BFSP1: variants seen among roughly 807,000 people sequenced by gnomAD.
The protein encoded by BFSP1 is beaded filament structural protein 1.
A neutral mutation model predicts 43.9 loss-of-function variants in BFSP1; 38 were observed. The ratio of observed to expected loss-of-function variants is 0.87; its 90% CI spans 0.67 to 1.14. BFSP1 has a LOEUF of 1.14. BFSP1 is among the 50% of genes most tolerant of loss of function. The pLI is 0.00. For missense variants in BFSP1, 850 were observed against 875.1 expected, an observed-to-expected ratio of 0.97 and a Z score of 0.36; for synonymous variants, 352 against 354.8, an observed-to-expected ratio of 0.99 and a Z score of 0.09.
chr20:17,545,693 A>G (rs1476692233), intron 1 of BFSP1, among the ~76,000 whole-genome samples: 1 of 152,264 alleles, frequency 6.6e-6, no homozygotes, highest in African/African-American at 2.4e-5. Context: ...AACTCCTACA[A>G]CAACAGAAAA....
At chr20:17,560,311 T>C (rs1160994201), upstream of BFSP1, 1 of 152,240 alleles carries the variant, frequency 6.6e-6, no homozygotes, top group Non-Finnish European at 1.5e-5. Context: ...TCCATATTCA[T>C]ATTTGCCAAC....
chr20:17,499,403 C>CTTTTTTTT (rs34583097), intron 5 of BFSP1, among the ~76,000 whole-genome samples: 3 of 82,076 alleles, frequency 3.7e-5, no homozygotes, highest in Admixed American at 1.5e-4. Context: ...ACATGCTGGG[C>CTTTTTTTT]TTTTTTTTTT....
At chr20:17,543,041 T>C (rs1487154172) in intron 1 of BFSP1, among the ~76,000 whole-genome samples, 1 of 152,230 alleles carries the variant, frequency 6.6e-6, no homozygotes, top group Admixed American at 6.5e-5. Flanking sequence ...TACTCCTAGC[T>C]AATCTCAATA....
chr20:17,528,300 G>C (rs957517026), intron 1 of BFSP1, among the ~76,000 whole-genome samples: 1 of 152,184 alleles, frequency 6.6e-6, no homozygotes, highest in Non-Finnish European at 1.5e-5. Flanking sequence ...TTCATGATGG[G>C]CATATAACTC....
chr20:17,541,947 T>C (rs2034725078), intron 1 of BFSP1, among the ~76,000 whole-genome samples: 1 of 152,218 alleles, frequency 6.6e-6, no homozygotes, highest in Non-Finnish European at 1.5e-5. Context: ...GAGTACATTA[T>C]TTTCTCAAGG....
chr20:17,504,224 A>G (rs539205036), intron 5 of BFSP1, among the ~76,000 whole-genome samples: 3 of 152,306 alleles, frequency 2.0e-5, no homozygotes, highest in African/African-American at 7.2e-5. Flanking sequence ...CTGGTCGCAG[A>G]TGCTCTACGG....
intron 2 of BFSP1, among the ~76,000 whole-genome samples, chr20:17,522,356 A>G (rs2034335938): frequency 6.6e-6 from 1 of 152,136 alleles, no homozygotes; most frequent in Non-Finnish European, 1.5e-5. Context: ...TGCCCCCCCA[A>G]TAACCACGGG....
chr20:17,537,568 C>CAAAA (rs901895418), intron 1 of BFSP1, among the ~76,000 whole-genome samples: 87 of 63,640 alleles, frequency 1.4e-3, no homozygotes, highest in South Asian at 2.2e-3. Flanking sequence ...ACTGAAGCAC[C>CAAAA]AAAAAAAAAA....
At chr20:17,529,996 A>G (rs929169448) in intron 1 of BFSP1, among the ~76,000 whole-genome samples, 4 of 152,190 alleles carry the variant, frequency 2.6e-5, no homozygotes, top group African/African-American at 9.7e-5. Flanking sequence ...ACATTACTCA[A>G]TCTGTGGGAG....
chr20:17,502,099 C>T (rs1449411633), intron 5 of BFSP1, among the ~76,000 whole-genome samples: 4 of 152,116 alleles, frequency 2.6e-5, no homozygotes, highest in African/African-American at 9.7e-5. Flanking sequence ...GCCTCAGCTC[C>T]CAGTTCCTGG....
intron 1 of BFSP1, among the ~76,000 whole-genome samples, chr20:17,529,090 T>TGTGTGTGTGTGTGTGAGAGA (rs577672397): frequency 6.6e-6 from 1 of 151,496 alleles, no homozygotes; most frequent in African/African-American, 2.4e-5. Context: ...TGTGTGTGTG[T>TGTGTGTGTGTGTGTGAGAGA]GAGACAGAGT....
intron 1 of BFSP1, among the ~76,000 whole-genome samples, chr20:17,541,842 T>C (rs1262266885): frequency 2.0e-5 from 3 of 152,248 alleles, no homozygotes; most frequent in Non-Finnish European, 4.4e-5. Flanking sequence ...GTGGTCCTTG[T>C]CTGTAAAATG....
upstream of BFSP1, among the ~76,000 whole-genome samples, chr20:17,532,982 C>T (rs557678864): frequency 7.9e-5 from 12 of 152,142 alleles, no homozygotes; most frequent in African/African-American, 2.6e-4. Context: ...TAATAGATTC[C>T]GTCTGGAATA....
intron 1 of BFSP1, among the ~76,000 whole-genome samples, chr20:17,537,694 C>A (rs927488638): frequency 1.3e-5 from 2 of 151,482 alleles, no homozygotes; most frequent in African/African-American, 4.9e-5. Context: ...GGACCCTAGA[C>A]TGCAAAAATA....
rs1157932417 is a variant in BFSP1 at position 17,531,240 on chromosome 20, C to G, written c.90G>C (p.Pro30=). 1 of 1,407,462 alleles carries G rather than the reference C, an allele frequency of 7.1e-7. No homozygotes were observed. Among genetic ancestry groups the G allele is most frequent in the African/African-American group, 1.5e-5 (1 of 67,144 alleles). 87.2% of individuals were successfully genotyped at this position (1,407,462 alleles called of 1,614,324 possible). A position where few individuals can be genotyped will look rare whatever the true frequency, so the allele number is the denominator to read the frequency against. ...TTGCCCCAGCCCAGCCCTCGTCGGC[C>G]GGGCGCTCGGGCTCGGCGGCGCGCG... is the stretch of plus-strand genomic sequence containing the variant. ...EASRAAEPER[P]ADEGWAGATS... is the part of the protein sequence containing the mutation. The change falls in exon 1 of 8, where the codon CCG becomes CCC. Residue 30 remains proline (P), a synonymous_variant. Coordinates refer to ENST00000377873, the MANE Select transcript of BFSP1 (RefSeq NM_001195.5).
intron 1 of BFSP1, among the ~76,000 whole-genome samples, chr20:17,529,693 G>A (rs57329866): frequency 0.049 from 7,495 of 152,214 alleles, 491 homozygotes; most frequent in East Asian, 0.33. Context: ...CATTTATTTG[G>A]TTCCAGGCTT....
chr20:17,556,389 T>C (rs1482992518), intron 1 of BFSP1, among the ~76,000 whole-genome samples: 3 of 152,058 alleles, frequency 2.0e-5, no homozygotes, highest in Non-Finnish European at 2.9e-5. Context: ...TCCCAGCTAC[T>C]TGGGAGACTG....
In BFSP1 at chr20:17,513,688, T is replaced by G. The variant is rs115327721; in HGVS notation, c.534+1033A>C. Among the ~76,000 whole-genome samples the G allele has an allele frequency of 2.2e-3, 329 of 152,350 alleles. 1 individual carries two copies. Among genetic ancestry groups the G allele is most frequent in the African/African-American group, 7.4e-3 (306 of 41,586 alleles). ...GTTCCCACATTGTCGTAGTTTGGGTTTCCCCAGAAGCAGACCCTGAGAGAG... is the reference window on the plus strand; with the variant it reads ...GTTCCCACATTGTCGTAGTTTGGGTGTCCCCAGAAGCAGACCCTGAGAGAG... On this transcript the variant is annotated intron_variant, in intron 3 of 7. Transcript: ENST00000377873.
chr20:17,530,213 T>C (rs570077300), intron 1 of BFSP1, among the ~76,000 whole-genome samples: 1 of 152,262 alleles, frequency 6.6e-6, no homozygotes, highest in Admixed American at 6.5e-5. Context: ...AGAGGACACA[T>C]ACTGAGCATA....
Sources: allele counts gnomAD v4.1 joint callset (sites outside exome capture counted in the v4.1 genomes callset), GRCh38; gene constraint gnomAD v4.1.1; transcripts MANE v1.5; gene names NCBI Gene and HGNC (gene_info 2026-07-23, HGNC 2026-07-21).